Variants in ZMYM2 observed in about 807,000 individuals in gnomAD.
ZMYM2 encodes zinc finger MYM-type containing 2.
In ZMYM2, 56 loss-of-function variants were observed where a neutral mutation model predicts 162.8. The observed-to-expected ratio is 0.34, with a 90% confidence interval of 0.28 to 0.43. The LOEUF is 0.43. Ranked by LOEUF, ZMYM2 falls within the 20% of genes least tolerant of loss-of-function variation. The probability of loss-of-function intolerance (pLI) is 1.00; values close to 1 mark genes in which losing one functional copy is unlikely to be tolerated. For synonymous variants in ZMYM2, 510 were observed against 541.6 expected, an observed-to-expected ratio of 0.94 and a Z score of 0.81; for missense variants, 1,275 against 1,621.8, an observed-to-expected ratio of 0.79 and a Z score of 3.67.
intron 10 of ZMYM2, 109 bp from the exon 11 acceptor site, chr13:20,034,145 G>T: frequency 9.9e-7 from 1 of 1,010,630 alleles, no homozygotes; most frequent in Non-Finnish European, 1.3e-6. Context: ...ATCCCCAAGG[G>T]TCTTAACATT....
chr13:19,984,603 C>T (rs1282942268), intron 2 of ZMYM2, among the ~76,000 whole-genome samples: 8 of 152,134 alleles, frequency 5.3e-5, no homozygotes, highest in East Asian at 1.9e-4. Flanking sequence ...AGAAGAGTGG[C>T]GGCTACATGG....
intron 5 of ZMYM2, 143 bp from the exon 6 acceptor site, chr13:20,006,231 T>TAAAA: frequency 1.3e-6 from 1 of 741,978 alleles, no homozygotes; most frequent in Non-Finnish European, 1.9e-6. Flanking sequence ...GACCCTGTCT[T>TAAAA]TAAAAAAAAA....
chr13:20,020,995 A>G (rs1272625650), intron 7 of ZMYM2, among the ~76,000 whole-genome samples: 1 of 139,880 alleles, frequency 7.1e-6, no homozygotes, highest in Non-Finnish European at 1.6e-5. Context: ...TTTTTTTTTG[A>G]GATGGAGCCT....
intron 2 of ZMYM2, among the ~76,000 whole-genome samples, chr13:19,986,524 T>C (rs1003342454): frequency 2.0e-5 from 3 of 152,144 alleles, no homozygotes; most frequent in East Asian, 1.9e-4. Context: ...AAATAAGATA[T>C]ACTAAGGAGA....
chr13:20,009,471 A>G (rs1951003956), intron 6 of ZMYM2, among the ~76,000 whole-genome samples: 1 of 152,200 alleles, frequency 6.6e-6, no homozygotes, highest in Non-Finnish European at 1.5e-5. Context: ...AGTGAGTGGC[A>G]TTAGTTACAT....
At chr13:20,076,746 A>G (rs1197257250) in intron 21 of ZMYM2, among the ~76,000 whole-genome samples, 1 of 150,654 alleles carries the variant, frequency 6.6e-6, no homozygotes, top group Non-Finnish European at 1.5e-5. Context: ...GTAAATGGGT[A>G]GTTTTCAAAT....
chr13:19,932,995 C>T, the ZMYM2 span, among the ~76,000 whole-genome samples: 230 of 152,270 alleles, frequency 1.5e-3, 4 homozygotes, highest in Admixed American at 0.012. Flanking sequence ...GTCACCCAGA[C>T]TGGAGTGCAG....
At chr13:20,026,393 T>A (rs1594436865) in intron 7 of ZMYM2, 2 of 396,062 alleles carry the variant, frequency 5.0e-6, no homozygotes, top group African/African-American at 4.1e-5. Flanking sequence ...AAACATTCTG[T>A]TTTTGAAGGC....
At chr13:20,034,426 G>A in intron 11 of ZMYM2, 22 bp downstream of exon 11, 8 of 1,488,314 alleles carry the variant, frequency 5.4e-6, no homozygotes, top group Non-Finnish European at 7.1e-6. Context: ...ATACAGTGTT[G>A]TTCATAACAT....
At chr13:20,075,151 T>C (rs925535292) in intron 21 of ZMYM2, among the ~76,000 whole-genome samples, 17 of 152,204 alleles carry the variant, frequency 1.1e-4, no homozygotes, top group Admixed American at 7.9e-4. Context: ...TGTACAGAAA[T>C]AGAAGCTATT....
chr13:20,068,027 A>T (rs1956808549), intron 21 of ZMYM2: 1 of 169,724 alleles, frequency 5.9e-6, no homozygotes. Flanking sequence ...TAATGAAGTA[A>T]ATCACTGAAG....
chr13:19,965,230 GTA>G, intron 2 of ZMYM2: 6 of 1,296,988 alleles, frequency 4.6e-6, no homozygotes, highest in Non-Finnish European at 6.0e-6. Flanking sequence ...CCATACATGT[GTA>G]TATTACTCTC....
At chr13:19,976,450 G>T (rs543437104) in intron 2 of ZMYM2, among the ~76,000 whole-genome samples, 2 of 149,850 alleles carry the variant, frequency 1.3e-5, no homozygotes, top group South Asian at 2.1e-4. Flanking sequence ...CTATTTTTAC[G>T]ACTTTTAAGT....
In ZMYM2 at chr13:20,088,949, A is replaced by G. The variant is rs59918656; in HGVS notation, c.*2935A>G. The stretch of plus-strand genomic sequence containing the variant: ...TATCTTGCAGCCTTAAATCACTACA[A>G]ACATTTGCATTTTTATTATGCCAGT... On this transcript the variant is annotated 3_prime_UTR_variant, in exon 25 of 25. Coordinates refer to ENST00000610343, the MANE Select transcript of ZMYM2 (RefSeq NM_197968.4). 6.9e-4 allele frequency: 138 copies of G among 199,288 alleles called. 2 individuals are homozygous for G. Among genetic ancestry groups the G allele is most frequent in the African/African-American group, 2.8e-3 (124 of 43,588 alleles). 12.3% of individuals were successfully genotyped at this position (199,288 alleles called of 1,614,324 possible).
rs925865638 is a variant in ZMYM2, at chr13:20,076,704, C to T, written c.3454-5312C>T. 3.9e-4 allele frequency among the ~76,000 whole-genome samples: 58 copies of T among 150,600 alleles called. 5 individuals are homozygous for T. Among genetic ancestry groups the T allele is most frequent in the African/African-American group, 1.5e-3 (58 of 39,960 alleles). On this transcript the variant is annotated intron_variant, in intron 21 of 24. Transcript: ENST00000610343. ...TTACTAAATTAAAAAATATAGTAAA[C>T]TCACAGTGTGGCTTGTTAATTTAAT...
the ZMYM2 span, among the ~76,000 whole-genome samples, chr13:19,908,229 A>G: frequency 6.6e-6 from 1 of 152,186 alleles, no homozygotes; most frequent in Non-Finnish European, 1.5e-5. Context: ...CGGAGGTTGC[A>G]GTGAGCCGAG....
chr13:19,962,669 C>T (rs567440222), intron 2 of ZMYM2, among the ~76,000 whole-genome samples: 1 of 151,032 alleles, frequency 6.6e-6, no homozygotes, highest in East Asian at 1.9e-4. Flanking sequence ...GGATTACAGG[C>T]ATGCGCCACT....
intron 23 of ZMYM2, among the ~76,000 whole-genome samples, chr13:20,083,341 C>T (rs1209900989): frequency 1.3e-5 from 2 of 152,190 alleles, no homozygotes; most frequent in Non-Finnish European, 2.9e-5. Context: ...GGATTACAGG[C>T]GTGAGCCACC....
chr13:19,945,971 AAAAG>A, the ZMYM2 span, among the ~76,000 whole-genome samples: 3 of 150,278 alleles, frequency 2.0e-5, no homozygotes, highest in African/African-American at 4.9e-5. Context: ...AAAAAAAAAA[AAAAG>A]AGAAGTTTTT....
Sources: allele counts gnomAD v4.1 joint callset (sites outside exome capture counted in the v4.1 genomes callset), GRCh38; gene constraint gnomAD v4.1.1; transcripts MANE v1.5; gene names NCBI Gene and HGNC (gene_info 2026-07-23, HGNC 2026-07-21).